SYNE1: variants seen among roughly 807,000 people sequenced by gnomAD.
SYNE1 encodes nesprin-1.
Under a neutral mutation model 1,111.0 loss-of-function variants are expected in SYNE1, and 616 were observed. The observed-to-expected ratio is 0.55, with a 90% CI of 0.52 to 0.59. The LOEUF (loss-of-function observed/expected upper bound fraction) is 0.59, where lower values mean the gene tolerates loss of function less well. Ranked by LOEUF, SYNE1 falls within the 20% of genes least tolerant of loss-of-function variation. The pLI is 0.00. For missense variants in SYNE1, 10,006 were observed against 10,417.0 expected, an observed-to-expected ratio of 0.96 and a Z score of 1.72; for synonymous variants, 3,855 against 3,825.8, an observed-to-expected ratio of 1.01 and a Z score of -0.28.
At chr6:152,512,580 T>G (rs79313434) in intron 6 of SYNE1, among the ~76,000 whole-genome samples, 4,006 of 152,276 alleles carry the variant, frequency 0.026, 172 homozygotes, top group African/African-American at 0.09. Context: ...TGTGCATCAT[T>G]TTTTAAAAAG....
At position 152,151,951 on chromosome 6, in the gene SYNE1, G is replaced by C. The variant is rs780026181; in HGVS notation, c.24312+8C>G. ...GCCTCTAAATTACAGATGAGGCATA[G>C]CAAAAACCTTGAGTCTGCGCAAGAT... On this transcript the variant is annotated splice_region_variant and intron_variant, in intron 134 of 145. Coordinates refer to ENST00000367255, the MANE Select transcript of SYNE1 (RefSeq NM_182961.4). 8 of 1,613,916 alleles carry C rather than the reference G, an allele frequency of 5.0e-6. No individual in the cohort carries two copies. The highest frequency in any genetic ancestry group is 1.3e-5 in the African/African-American group (1 of 74,920).
chr6:152,334,458 C>T (rs991885635), intron 76 of SYNE1, among the ~76,000 whole-genome samples, 185 bp from the exon 77 acceptor site: 2 of 152,108 alleles, frequency 1.3e-5, no homozygotes, highest in East Asian at 3.8e-4. Flanking sequence ...TCTTTATGAA[C>T]GTTAATTCCC....
In SYNE1 at chr6:152,331,428, C is replaced by T. The variant is rs777483692; in HGVS notation, c.13257G>A (p.Glu4419=). ...AGAGAGCCTTCTGGATGACCTGTCGCTCATTGAGACCAAGATCTGCCATGA... is the reference window on the plus strand; with the variant it reads ...AGAGAGCCTTCTGGATGACCTGTCGTTCATTGAGACCAAGATCTGCCATGA... ...DRVMADLGLN[E]RQVIQKALSD... The change falls in exon 78 of 146, where the codon GAG becomes GAA. Residue 4419 remains glutamate, a synonymous_variant. Coordinates refer to ENST00000367255, the MANE Select transcript of SYNE1 (RefSeq NM_182961.4). The T allele has an allele frequency of 6.2e-7, 1 of 1,614,130 alleles. No individual in the cohort carries two copies. Among genetic ancestry groups the T allele is most frequent in the East Asian group, 2.2e-5 (1 of 44,878 alleles).
intron 115 of SYNE1, among the ~76,000 whole-genome samples, chr6:152,228,884 C>T (rs1211576659): frequency 6.6e-6 from 1 of 151,420 alleles, no homozygotes; most frequent in East Asian, 1.9e-4. Flanking sequence ...TCTTCATCTT[C>T]AGTCTTTAAG....
Position 152,164,168 on chromosome 6 carries a change from G to A in SYNE1, c.23785C>T (p.Gln7929Ter). The change falls in exon 131 of 146, where the codon CAG becomes TAG. Residue 7929 changes from glutamine (Q) to a stop codon, truncating the protein, a stop_gained. Transcript: ENST00000367255. LOFTEE classifies it high-confidence loss of function. ...SEEIQRKLNE[Q>*]QELQRDIEKH... ...ATTTCCATTTTAAGTCTTACCTGCT[G>A]CTCATTAAGCTTTCTCTGTATTTCT... 6.2e-7 allele frequency: 1 copy of A among 1,614,140 alleles called. No homozygotes were observed. Among genetic ancestry groups the A allele is most frequent in the Non-Finnish European group, 8.5e-7 (1 of 1,180,016 alleles).
At chr6:152,165,573 T>TA (rs1563156538) in intron 130 of SYNE1, among the ~76,000 whole-genome samples, 1 of 152,234 alleles carries the variant, frequency 6.6e-6, no homozygotes, top group Non-Finnish European at 1.5e-5. Flanking sequence ...AATGTGTATT[T>TA]AAAAAATTAT....
chr6:152,557,161 G>C (rs1345454839), intron 3 of SYNE1, among the ~76,000 whole-genome samples: 1 of 151,788 alleles, frequency 6.6e-6, no homozygotes, highest in African/African-American at 2.4e-5. Context: ...CACAATAACT[G>C]AACTGAAAAA....
At chr6:152,516,001 GA>G (rs1000791325) in intron 6 of SYNE1, among the ~76,000 whole-genome samples, 2 of 151,636 alleles carry the variant, frequency 1.3e-5, no homozygotes, top group Non-Finnish European at 2.9e-5. Flanking sequence ...GTTATCAAAA[GA>G]AAAAAAATCC....
At chr6:152,561,429 A>G (rs967882524) in intron 3 of SYNE1, among the ~76,000 whole-genome samples, 3 of 152,172 alleles carry the variant, frequency 2.0e-5, no homozygotes, top group Non-Finnish European at 2.9e-5. Flanking sequence ...AAAACTGACA[A>G]GGCAAATACA....
intron 16 of SYNE1, among the ~76,000 whole-genome samples, chr6:152,468,105 T>C (rs895173197): frequency 6.6e-6 from 1 of 152,182 alleles, no homozygotes; most frequent in African/African-American, 2.4e-5. Context: ...GAAAAGTAAA[T>C]GGCATACTTA....
chr6:152,304,598 A>G (rs1446703677), intron 91 of SYNE1, among the ~76,000 whole-genome samples: 1 of 152,194 alleles, frequency 6.6e-6, no homozygotes, highest in African/African-American at 2.4e-5. Context: ...TGCTGAGATT[A>G]CAGGCGTGAG....
chr6:152,244,441 A>T, intron 106 of SYNE1, 96 bp downstream of exon 106: 1 of 1,598,504 alleles, frequency 6.3e-7, no homozygotes, highest in Non-Finnish European at 8.6e-7. Flanking sequence ...AGTGGCGTGA[A>T]TTTTATAAAG....
chr6:152,408,955 C>CAAAAAAAA, intron 44 of SYNE1, 113 bp downstream of exon 44: 1 of 888,018 alleles, frequency 1.1e-6, no homozygotes, highest in Non-Finnish European at 1.6e-6. Flanking sequence ...ACTCTGTCTC[C>CAAAAAAAA]AAAAAAAAAA....
In SYNE1 at chr6:152,133,316, T is replaced by C. The variant is rs2056304830; in HGVS notation, c.25961A>G (p.Lys8654Arg). The C allele has an allele frequency of 1.9e-6, 3 of 1,614,236 alleles. No individual in the cohort carries two copies. Among genetic ancestry groups the C allele is most frequent in the Non-Finnish European group, 2.5e-6 (3 of 1,180,034 alleles). The change falls in exon 143 of 146, where the codon AAG (lysine) becomes AGG (arginine). Residue 8654 changes from lysine to arginine, a missense_variant. Physicochemically the swap from Lys to Arg is conservative, Grantham distance 26. Around this residue, in one of 7 missense-constraint regions of SYNE1, gnomAD observed 761 missense variants for 795.5 expected, o/e 0.96. Transcript: ENST00000367255. ...LLLKEVSRHI[K>R]ELEKLLDVSS... ...CACGTCTAATAACTTCTCCAGTTCC[T>C]TGATATGACGACTGACCTCCTTCAA...
chr6:152,182,455 G>C (rs528201166), intron 128 of SYNE1, among the ~76,000 whole-genome samples: 1 of 152,258 alleles, frequency 6.6e-6, no homozygotes, highest in Non-Finnish European at 1.5e-5. Context: ...ACACAGAAAA[G>C]CTGAAGGAAT....
At chr6:152,360,139 C>T (rs1309770100) in intron 64 of SYNE1, among the ~76,000 whole-genome samples, 1 of 152,170 alleles carries the variant, frequency 6.6e-6, no homozygotes, top group Non-Finnish European at 1.5e-5. Context: ...TGAATCGTGT[C>T]GCTTCTCAGC....
intron 4 of SYNE1, 112 bp from the exon 5 acceptor site, chr6:152,526,287 T>G: frequency 9.7e-7 from 1 of 1,030,552 alleles, no homozygotes; most frequent in Admixed American, 2.0e-5. Flanking sequence ...GAGAGGCTTC[T>G]ATATACTTTA....
At chr6:152,583,911 A>G (rs2178009) in intron 3 of SYNE1, among the ~76,000 whole-genome samples, 103,296 of 152,104 alleles carry the variant, frequency 0.68, 36,074 homozygotes, top group African/African-American at 0.84. Context: ...ACTCAACATT[A>G]CCTAAAAACT....
intron 47 of SYNE1, 23 bp downstream of exon 47, chr6:152,401,115 C>T (rs975293742): frequency 6.2e-7 from 1 of 1,610,158 alleles, no homozygotes; most frequent in Non-Finnish European, 8.5e-7. Flanking sequence ...AATGGAAGCA[C>T]TTAATGATAG....
Sources: allele counts gnomAD v4.1 joint callset (sites outside exome capture counted in the v4.1 genomes callset), GRCh38; gene constraint gnomAD v4.1.1; regional missense constraint gnomAD v4.1.1; transcripts MANE v1.5; gene names NCBI Gene and HGNC (gene_info 2026-07-23, HGNC 2026-07-21).